Variants in AKAP9 observed in about 807,000 individuals in gnomAD.
AKAP9 encodes the protein A-kinase anchor protein 9.
Under a neutral mutation model 488.5 loss-of-function variants are expected in AKAP9, and 311 were observed. That is an observed-to-expected ratio of 0.64 (90% confidence interval 0.58 to 0.70). The LOEUF is 0.70. Ranked by LOEUF, AKAP9 falls within the 30% of genes least tolerant of loss-of-function variation. The pLI, the probability that AKAP9 is intolerant of heterozygous loss-of-function variation, is 0.00. For missense variants in AKAP9, 4,215 were observed against 4,374.5 expected, an observed-to-expected ratio of 0.96 and a Z score of 1.03; for synonymous variants, 1,462 against 1,483.5, an observed-to-expected ratio of 0.99 and a Z score of 0.33.
intron 28 of AKAP9, among the ~76,000 whole-genome samples, chr7:92,071,690 A>G (rs1811761810): frequency 6.6e-6 from 1 of 152,172 alleles, no homozygotes; most frequent in Non-Finnish European, 1.5e-5. Context: ...ATCATTTAAA[A>G]TGTTTAAAAT....
At chr7:91,958,498 T>C (rs1189555775) in intron 1 of AKAP9, among the ~76,000 whole-genome samples, 1 of 152,156 alleles carries the variant, frequency 6.6e-6, no homozygotes, top group African/African-American at 2.4e-5. Context: ...GAGATGACTG[T>C]AAAATGAAGC....
At chr7:92,038,844 A>ACC in intron 17 of AKAP9, 72 bp downstream of exon 17, 1 of 1,006,002 alleles carries the variant, frequency 9.9e-7, no homozygotes, top group South Asian at 1.5e-5. Flanking sequence ...AAATATTAGC[A>ACC]ATAGTGCTGC....
chr7:91,958,067 T>C (rs1793274911), intron 1 of AKAP9, among the ~76,000 whole-genome samples: 1 of 152,174 alleles, frequency 6.6e-6, no homozygotes, highest in Non-Finnish European at 1.5e-5. Flanking sequence ...CAAACTGATA[T>C]TCATGTGTTT....
In AKAP9 at chr7:92,023,003, C is replaced by G. The variant is rs148726562; in HGVS notation, c.4142C>G (p.Pro1381Arg). ...CAAGCTGTTAGTGAGTCCACGGTTC[C>G]GCCAAGGTATTCATCTGCTTATAGC... ...RLQAVSESTV[P>R]PSLPVDSVVI... The change falls in exon 14 of 50, where the codon CCG becomes CGG. Residue 1381 changes from proline (P) to arginine (R), a missense_variant. Around this residue, in one of 5 missense-constraint regions of AKAP9, gnomAD observed 2,361 missense variants for 2,430.0 expected, o/e 0.97. Coordinates refer to ENST00000356239, the MANE Select transcript of AKAP9 (RefSeq NM_005751.5). 4 of 1,613,452 alleles carry G rather than the reference C, an allele frequency of 2.5e-6. No homozygotes were observed. The highest frequency in any genetic ancestry group is 1.1e-5 in the South Asian group (1 of 91,054).
rs551581213 is a variant in AKAP9, at chr7:92,059,587, AT to A, written c.5602-1669del. On this transcript the variant is annotated intron_variant, in intron 22 of 49. Transcript: ENST00000356239. ...ATTTACTTACCTAAAGCAAGCATTT[AT>A]TTTGTTGTAAATTCTTTGTTATATC... Among the ~76,000 whole-genome samples the A allele has an allele frequency of 5.9e-5, 9 of 152,024 alleles. No individual in the cohort carries two copies. In the South Asian group the frequency reaches 1.7e-3, roughly 28 times the overall value.
rs768384617 is a variant in AKAP9 at position 92,100,860 on chromosome 7, C to G, written c.10901C>G (p.Ser3634Cys). ...AGTAGGCTGTGGTCTTTGCAGTCTTCCAGGTTTTCATTGAATGGTGGTGCC... is the reference window on the plus strand; with the variant it reads ...AGTAGGCTGTGGTCTTTGCAGTCTTGCAGGTTTTCATTGAATGGTGGTGCC... ...RQTGAGRDNSSRFSLNGGANI... is the reference protein window; with the variant it reads ...RQTGAGRDNSCRFSLNGGANI... The change falls in exon 45 of 50, where the codon TCC becomes TGC. Residue 3634 changes from serine (S) to cysteine (C), a missense_variant. This residue lies in a region of AKAP9 where 74 missense variants were observed against 113.0 expected (regional missense o/e 0.65). Transcript: ENST00000356239. 1 of 1,614,088 alleles carries G rather than the reference C, an allele frequency of 6.2e-7. No homozygotes were observed. Among genetic ancestry groups the G allele is most frequent in the Non-Finnish European group, 8.5e-7 (1 of 1,180,016 alleles).
intron 28 of AKAP9, among the ~76,000 whole-genome samples, chr7:92,073,483 G>T (rs867620486): frequency 3.7e-4 from 56 of 151,822 alleles, no homozygotes; most frequent in African/African-American, 1.2e-3. Context: ...TCTAGCGTGG[G>T]CAACAGAGTG....
At chr7:92,063,544 T>C in intron 24 of AKAP9, 1 of 976,148 alleles carries the variant, frequency 1.0e-6, no homozygotes, top group South Asian at 4.7e-5. Flanking sequence ...GTGGTAGACT[T>C]TAAACTCCAA....
chr7:92,091,524 T>C (rs1397171394), intron 38 of AKAP9, among the ~76,000 whole-genome samples: 2 of 145,244 alleles, frequency 1.4e-5, no homozygotes, highest in African/African-American at 5.3e-5. Context: ...AGGCAGAGGT[T>C]GCAATGAGTT....
intron 21 of AKAP9, among the ~76,000 whole-genome samples, chr7:92,047,780 C>A (rs1033214428): frequency 2.6e-5 from 4 of 152,162 alleles, no homozygotes; most frequent in Non-Finnish European, 5.9e-5. Context: ...AGAGAAAAAG[C>A]TAAATCCACA....
chr7:92,084,507 T>A, intron 33 of AKAP9, 133 bp from the exon 34 acceptor site: 1 of 638,204 alleles, frequency 1.6e-6, no homozygotes, highest in Middle Eastern at 4.5e-4. Flanking sequence ...AAAAAAACCA[T>A]GAATAATTTC....
In AKAP9 at chr7:92,038,564, A is replaced by G. The variant is rs1196835504; in HGVS notation, c.4484A>G (p.Gln1495Arg). Residue 1495 changes from glutamine (Q) to arginine (R), a missense_variant, in exon 17 of 50, where the codon CAG (glutamine) becomes CGG (arginine). By Grantham distance (43) the Gln-to-Arg change is conservative (BLOSUM62 1). Coordinates refer to ENST00000356239, the MANE Select transcript of AKAP9 (RefSeq NM_005751.5). Reference sequence around the variant, plus strand: ...TATTTTAATGAAATGAAATTATCACAGGATCAAATTGGTTTTCAGACTTTT... The same window carrying G: ...TATTTTAATGAAATGAAATTATCACGGGATCAAATTGGTTTTCAGACTTTT... Reference protein sequence around the residue: ...QHYFNEMKLSQDQIGFQTFET... With the variant: ...QHYFNEMKLSRDQIGFQTFET... 1.9e-6 allele frequency: 3 copies of G among 1,613,846 alleles called. No individual in the cohort carries two copies. Among genetic ancestry groups the G allele is most frequent in the African/African-American group, 1.3e-5 (1 of 74,940 alleles).
rs376611467 is a variant in AKAP9, at chr7:92,081,497, A to AT, written c.8020-1012dup. ...TTTATATATATATATATATATATATATTTTTTTTTTTTTAGTAGAGACGAG... is the reference window on the plus strand; with the variant it reads ...TTTATATATATATATATATATATATATTTTTTTTTTTTTTAGTAGAGACGAG... On this transcript the variant is annotated intron_variant, in intron 31 of 49. Coordinates refer to ENST00000356239, the MANE Select transcript of AKAP9 (RefSeq NM_005751.5). Among the ~76,000 whole-genome samples the AT allele has an allele frequency of 3.3e-4, 28 of 85,374 alleles. 1 individual carries two copies. The highest frequency in any genetic ancestry group is 7.5e-4 in the African/African-American group (19 of 25,262). 56.0% of individuals were successfully genotyped at this position (85,374 alleles called of 152,430 possible). A position where few individuals can be genotyped will look rare whatever the true frequency, so the allele number is the denominator to read the frequency against.
rs539368638 is a variant in AKAP9, at chr7:91,992,359, A to G, written c.405+148A>G. On this transcript the variant is annotated intron_variant, in intron 4 of 49. Coordinates refer to ENST00000356239, the MANE Select transcript of AKAP9 (RefSeq NM_005751.5). ...GTTTACTAAAACAAAGTTATCTACC[A>G]TTTATTATAAAACTCAATTGTAGGC... 92 of 732,350 alleles carry G rather than the reference A, an allele frequency of 1.3e-4. 1 individual carries two copies. The highest frequency in any genetic ancestry group is 6.0e-4 in the South Asian group (38 of 62,826). 45.4% of individuals were successfully genotyped at this position (732,350 alleles called of 1,614,324 possible). A position where few individuals can be genotyped will look rare whatever the true frequency, so the allele number is the denominator to read the frequency against.
chr7:92,027,127 C>A, intron 14 of AKAP9, among the ~76,000 whole-genome samples: 2 of 145,634 alleles, frequency 1.4e-5, no homozygotes, highest in South Asian at 2.2e-4. Context: ...AGCATCTCTG[C>A]CTGGCCGCCC....
Position 92,001,429 on chromosome 7 carries a change from T to G in AKAP9, c.1512T>G (p.Asp504Glu), listed in dbSNP as rs1297720576. 1 of 1,613,704 alleles carries G rather than the reference T, an allele frequency of 6.2e-7. No individual in the cohort carries two copies. The highest frequency in any genetic ancestry group is 8.5e-7 in the Non-Finnish European group (1 of 1,179,822). ...AINELNIKLQDTNSQKEKLKE... is the reference protein window; with the variant it reads ...AINELNIKLQETNSQKEKLKE... Reference sequence around the variant, plus strand: ...ATGAACTGAATATAAAATTGCAAGATACTAACTCTCAAAAGGAAAAACTCA... The same window carrying G: ...ATGAACTGAATATAAAATTGCAAGAGACTAACTCTCAAAAGGAAAAACTCA... Residue 504 changes from aspartate to glutamate, a missense_variant, in exon 8 of 50, where the codon GAT becomes GAG. Asp to Glu is a conservative substitution (Grantham distance 45, BLOSUM62 2). Coordinates refer to ENST00000356239, the MANE Select transcript of AKAP9 (RefSeq NM_005751.5).
At position 91,960,044 on chromosome 7, in the gene AKAP9, G is replaced by A. The variant is rs144094185; in HGVS notation, c.49-13667G>A. On this transcript the variant is annotated intron_variant, in intron 1 of 49. Coordinates refer to ENST00000356239, the MANE Select transcript of AKAP9 (RefSeq NM_005751.5). Reference sequence around the variant, plus strand: ...TGTAGTTGTTTGTATTAGCATTCATGTTTATCATTCATTAAGGAATACTAA... The same window carrying A: ...TGTAGTTGTTTGTATTAGCATTCATATTTATCATTCATTAAGGAATACTAA... 1.6e-3 allele frequency among the ~76,000 whole-genome samples: 239 copies of A among 152,190 alleles called. 5 individuals carry two copies. In the South Asian group the frequency reaches 0.038, roughly 24 times the overall value.
intron 1 of AKAP9, among the ~76,000 whole-genome samples, chr7:91,947,527 A>G (rs755932757): frequency 6.6e-6 from 1 of 152,062 alleles, no homozygotes; most frequent in Non-Finnish European, 1.5e-5. Flanking sequence ...TTTTTAGTAG[A>G]GACAGGGTTT....
intron 22 of AKAP9, 105 bp downstream of exon 22, chr7:92,053,063 A>AT (rs1488156463): frequency 2.0e-6 from 2 of 976,260 alleles, no homozygotes; most frequent in Non-Finnish European, 3.2e-6. Flanking sequence ...GCTGTTTGGC[A>AT]TTTTCAAAGC....
Sources: allele counts gnomAD v4.1 joint callset (sites outside exome capture counted in the v4.1 genomes callset), GRCh38; gene constraint gnomAD v4.1.1; regional missense constraint gnomAD v4.1.1; transcripts MANE v1.5; gene names NCBI Gene and HGNC (gene_info 2026-07-23, HGNC 2026-07-21).